SARDH: variants seen among roughly 807,000 people sequenced by gnomAD.
SARDH encodes the protein sarcosine dehydrogenase.
SARDH carries 95 observed loss-of-function variants against 109.1 expected under a neutral mutation model. That is an observed-to-expected ratio of 0.87 (90% confidence interval 0.74 to 1.03). The LOEUF is 1.03. SARDH is among the 50% of genes least tolerant of loss of function. The pLI is 0.00. For missense variants in SARDH, 1,267 were observed against 1,287.8 expected (o/e 0.98, Z 0.25); for synonymous variants, 572 against 534.8 (o/e 1.07, Z -0.96).
chr9:133,736,666 G>A (rs1832896332), intron 1 of SARDH, among the ~76,000 whole-genome samples: 1 of 152,220 alleles, frequency 6.6e-6, no homozygotes, highest in African/African-American at 2.4e-5. Flanking sequence ...AAAGTGCTGG[G>A]ATTACAGGCA....
At chr9:133,735,371 C>G (rs1832848792) in intron 1 of SARDH, among the ~76,000 whole-genome samples, 1 of 152,224 alleles carries the variant, frequency 6.6e-6, no homozygotes. Context: ...CGACTCCCTC[C>G]TCCTTCAGGA....
chr9:133,708,511 A>C, intron 10 of SARDH, 83 bp from the exon 11 acceptor site: 1 of 1,485,610 alleles, frequency 6.7e-7, no homozygotes, highest in Non-Finnish European at 9.0e-7. Flanking sequence ...GTAAGCCTGG[A>C]CCCCGGTCCC....
At chr9:133,690,331 G>T in intron 16 of SARDH, 49 bp downstream of exon 16, 1 of 1,585,018 alleles carries the variant, frequency 6.3e-7, no homozygotes. Flanking sequence ...GGAGGACCTG[G>T]GTCCAGGCAG....
Position 133,732,657 on chromosome 9 carries a change from C to T in SARDH, c.332-56G>A. 5 of 1,529,280 alleles carry T rather than the reference C, an allele frequency of 3.3e-6. No homozygotes were observed. In the South Asian group the frequency reaches 3.8e-5, roughly 12 times the overall value. The allele number at this position is 1,529,280 out of a possible 1,614,324, so 94.7% of individuals were successfully genotyped here. A position where few individuals can be genotyped will look rare whatever the true frequency, so the allele number is the denominator to read the frequency against. ...CAGGGAGTGGACTGCACCTCCTTCC[C>T]CCAGACGAATATCAGGGGATACCCT... On this transcript the variant is annotated intron_variant, in intron 2 of 20. Transcript: ENST00000439388.
intron 16 of SARDH, among the ~76,000 whole-genome samples, chr9:133,687,241 C>T (rs1830918019): frequency 6.6e-6 from 1 of 152,186 alleles, no homozygotes; most frequent in South Asian, 2.1e-4. Flanking sequence ...ACCGTCTCTC[C>T]CAGCCACGCA....
chr9:133,663,359 C>T (rs774017575), downstream of SARDH, among the ~76,000 whole-genome samples: 10 of 152,346 alleles, frequency 6.6e-5, no homozygotes, highest in Non-Finnish European at 1.5e-4. Context: ...GCTCCTGTTC[C>T]GACCTGAGAG....
chr9:133,731,672 A>T (rs1832687596), intron 3 of SARDH, among the ~76,000 whole-genome samples, 188 bp from the exon 4 acceptor site: 1 of 152,138 alleles, frequency 6.6e-6, no homozygotes, highest in African/African-American at 2.4e-5. Flanking sequence ...CAGGGCACTG[A>T]GGCAGGCTCC....
intron 19 of SARDH, among the ~76,000 whole-genome samples, chr9:133,669,533 T>A (rs1830260528): frequency 6.6e-6 from 1 of 151,690 alleles, no homozygotes; most frequent in Non-Finnish European, 1.5e-5. Flanking sequence ...CTTCTCAGAC[T>A]GCCCTGCAAC....
chr9:133,701,743 C>T (rs118006635), intron 13 of SARDH, among the ~76,000 whole-genome samples: 574 of 152,334 alleles, frequency 3.8e-3, no homozygotes, highest in Non-Finnish European at 6.4e-3. Flanking sequence ...ACACACGCCT[C>T]CTCCTTCCTG....
Position 133,732,483 on chromosome 9 carries a change from A to AT in SARDH, c.449dup (p.Asn150LysfsTer84). On this transcript the variant is annotated frameshift_variant, in exon 3 of 21. Coordinates refer to ENST00000439388, the MANE Select transcript of SARDH (RefSeq NM_001134707.2). LOFTEE classifies it high-confidence loss of function. ...GGTTGGACGCGATGAAGAGGCCCCC[A>AT]TTCTGGATCCAGCCCGTGTGTAGTC... 6.7e-7 allele frequency: 1 copy of AT among 1,490,590 alleles called. No individual in the cohort carries two copies. The highest frequency in any genetic ancestry group is 9.1e-7 in the Non-Finnish European group (1 of 1,103,692). The allele number at this position is 1,490,590 out of a possible 1,614,324, so 92.3% of individuals were successfully genotyped here.
intron 1 of SARDH, among the ~76,000 whole-genome samples, chr9:133,734,444 T>TTCATTCAC (rs1832812765): frequency 3.1e-5 from 4 of 128,966 alleles, no homozygotes; most frequent in East Asian, 1.9e-4. Flanking sequence ...CATTCACTCA[T>TTCATTCAC]TCATTCATTC....
At chr9:133,708,492 G>C (rs754878180) in intron 10 of SARDH, 64 bp from the exon 11 acceptor site, 18 of 1,544,334 alleles carry the variant, frequency 1.2e-5, no homozygotes, top group Admixed American at 1.9e-5. Flanking sequence ...GGCTAGCCTA[G>C]GACCCAGGGT....
In SARDH at chr9:133,667,233, C is replaced by CTAGACTCA. The variant is rs1366954402; in HGVS notation, c.2496-371_2496-364dup. 4 of 432,930 alleles carry CTAGACTCA rather than the reference C, an allele frequency of 9.2e-6. No homozygotes were observed. In the South Asian group the frequency reaches 1.4e-4, roughly 15 times the overall value. The allele number at this position is 432,930 out of a possible 1,614,324, so 26.8% of individuals were successfully genotyped here. ...TTTTTTTTTGGTGCAGTGGCACAATCTAGACTCACTACAACCTCCGCCTCC... is the reference window on the plus strand; with the variant it reads ...TTTTTTTTTGGTGCAGTGGCACAATCTAGACTCATAGACTCACTACAACCTCCGCCTCC... On this transcript the variant is annotated intron_variant, in intron 19 of 20. Transcript: ENST00000439388.
At chr9:133,687,847 A>G (rs946003462) in intron 16 of SARDH, among the ~76,000 whole-genome samples, 5 of 152,220 alleles carry the variant, frequency 3.3e-5, no homozygotes, top group Admixed American at 2.6e-4. Flanking sequence ...TTATTCATCT[A>G]AGAAACTTTG....
At chr9:133,684,319 G>A (rs2131367279) in intron 17 of SARDH, among the ~76,000 whole-genome samples, 1 of 152,362 alleles carries the variant, frequency 6.6e-6, no homozygotes, top group Non-Finnish European at 1.5e-5. Flanking sequence ...CGTCAGTAGT[G>A]CTGAGGTTGG....
In SARDH at chr9:133,693,705, A is replaced by G. The variant is rs557337174; in HGVS notation, c.1921+553T>C. Among the ~76,000 whole-genome samples the G allele has an allele frequency of 5.6e-4, 86 of 152,306 alleles. 1 individual carries two copies. Among genetic ancestry groups the G allele is most frequent in the African/African-American group, 2.0e-3 (82 of 41,572 alleles). The stretch of plus-strand genomic sequence containing the variant: ...CAAGAGGCAGGTCCTGGCTCTGCGT[A>G]ACAGTTGGGGCTGAGCAAACAAGGG... On this transcript the variant is annotated intron_variant, in intron 15 of 20. Transcript: ENST00000439388. The surrounding 1 kb of genome is among the most constrained non-coding windows in gnomAD (Gnocchi z 5.6).
rs779904509 is a variant in SARDH at position 133,718,965 on chromosome 9, A to G, written c.993T>C (p.Tyr331=). 21 of 1,614,030 alleles carry G rather than the reference A, an allele frequency of 1.3e-5. No homozygotes were observed. The South Asian group carries it at 2.2e-4, about 17-fold the overall frequency. The stretch of plus-strand genomic sequence containing the variant: ...CCTCCCAAAAGATGGGGTTGGCCTC[A>G]TAGCCACCCACAGACAAGGCATCCC... ...LQGDALSVGG[Y]EANPIFWEEV... is the part of the protein sequence containing the mutation. The change falls in exon 7 of 21, where the codon TAT becomes TAC. Residue 331 remains tyrosine, a synonymous_variant. Transcript: ENST00000439388. This position sits in a 1 kb window ranked among gnomAD's most constrained non-coding sequence, Gnocchi z 4.2.
chr9:133,671,237 G>A (rs1830336085), intron 18 of SARDH, among the ~76,000 whole-genome samples: 1 of 151,982 alleles, frequency 6.6e-6, no homozygotes, highest in South Asian at 2.1e-4. Context: ...ACCCAGCCTG[G>A]GCCTGACCCC....
At chr9:133,722,847 C>T (rs951149734) in intron 6 of SARDH, among the ~76,000 whole-genome samples, 2 of 152,064 alleles carry the variant, frequency 1.3e-5, no homozygotes, top group Non-Finnish European at 2.9e-5. Context: ...TTAGTAGAGA[C>T]AGGGTTTCAC....
Sources: gnomAD v4.1 joint callset for allele counts (sites outside exome capture counted in the v4.1 genomes callset) on GRCh38, gnomAD v4.1.1 for gene constraint, Gnocchi (gnomAD v3.1) non-coding constraint, MANE v1.5 for transcripts, NCBI Gene and HGNC (gene_info 2026-07-23, HGNC 2026-07-21) for gene names.